The following PRORP variants were observed in gnomAD, a reference collection of about 807,000 sequenced individuals.
PRORP encodes protein only RNase P catalytic subunit, also known as mitochondrial ribonuclease P catalytic subunit.
Under a neutral mutation model 59.4 loss-of-function variants are expected in PRORP, and 51 were observed. The observed-to-expected ratio is 0.86, with a 90% CI of 0.69 to 1.08. The LOEUF (loss-of-function observed/expected upper bound fraction) is 1.08. PRORP is among the 50% of genes least tolerant of loss of function. PRORP has a pLI of 0.00. For synonymous variants in PRORP, 231 were observed against 245.6 expected, an observed-to-expected ratio of 0.94 and a Z score of 0.55; for missense variants, 646 against 690.3, an observed-to-expected ratio of 0.94 and a Z score of 0.72.
intron 4 of PRORP, among the ~76,000 whole-genome samples, chr14:35,166,444 G>T (rs1190132436): frequency 2.4e-5 from 3 of 126,804 alleles, no homozygotes; most frequent in Non-Finnish European, 3.2e-5. Flanking sequence ...GCTTTTATCT[G>T]AATCTTTTTT....
Position 35,273,708 on chromosome 14 carries a change from A to C in PRORP, c.*142A>C, listed in dbSNP as rs1408381039. On this transcript the variant is annotated 3_prime_UTR_variant, in exon 8 of 8. Transcript: ENST00000534898. ...TTAACAGCATTGACATTGATTTTTTAATGAAATGAGATATATCTTTTCATA... is the reference window on the plus strand; with the variant it reads ...TTAACAGCATTGACATTGATTTTTTCATGAAATGAGATATATCTTTTCATA... 12 of 692,604 alleles carry C rather than the reference A, an allele frequency of 1.7e-5. No homozygotes were observed. In the East Asian group the frequency reaches 3.5e-4, roughly 20 times the overall value. The allele number at this position is 692,604 out of a possible 1,614,324, so 42.9% of individuals were successfully genotyped here. A position where few individuals can be genotyped will look rare whatever the true frequency, so the allele number is the denominator to read the frequency against.
At position 35,137,403 on chromosome 14, in the gene PRORP, A is replaced by G. The variant is rs2047399359; in HGVS notation, c.1167+9792A>G. 1.4e-5 allele frequency among the ~76,000 whole-genome samples: 2 copies of G among 145,468 alleles called. 1 individual carries two copies. Among genetic ancestry groups the G allele is most frequent in the Non-Finnish European group, 3.1e-5 (2 of 65,500 alleles). On this transcript the variant is annotated intron_variant, in intron 4 of 7. Transcript: ENST00000534898. Reference sequence around the variant, plus strand: ...AAGGAAATATCATTTGAGGCTGTAGAAAAGAAAGTGAAGATGGGTGTGGAT... The same window carrying G: ...AAGGAAATATCATTTGAGGCTGTAGGAAAGAAAGTGAAGATGGGTGTGGAT...
chr14:35,270,352 C>T, intron 6 of PRORP, 49 bp from the exon 7 acceptor site: 1 of 1,561,750 alleles, frequency 6.4e-7, no homozygotes, highest in Non-Finnish European at 8.8e-7. Context: ...ACACTGTCCT[C>T]TGCCTCTTCA....
At chr14:35,232,746 C>G (rs1421586636) in intron 5 of PRORP, among the ~76,000 whole-genome samples, 1 of 152,048 alleles carries the variant, frequency 6.6e-6, no homozygotes, top group Non-Finnish European at 1.5e-5. Flanking sequence ...GATCTTGGCT[C>G]ACTGCAACCT....
At chr14:35,184,902 T>A (rs965524993) in intron 5 of PRORP, among the ~76,000 whole-genome samples, 4 of 152,230 alleles carry the variant, frequency 2.6e-5, no homozygotes, top group Non-Finnish European at 5.9e-5. Flanking sequence ...ATGTGCCACA[T>A]TTTCTTTATC....
intron 5 of PRORP, among the ~76,000 whole-genome samples, chr14:35,223,829 A>G (rs1457010377): frequency 6.6e-6 from 1 of 152,132 alleles, no homozygotes; most frequent in East Asian, 1.9e-4. Context: ...CTAGTAGCTT[A>G]TTTTCCATCT....
rs1186520204 is a variant in PRORP at position 35,275,258 on chromosome 14, T to TA, written c.*1693dup. 1 of 152,162 alleles carries TA rather than the reference T, an allele frequency of 6.6e-6. No homozygotes were observed. The highest frequency in any genetic ancestry group is 1.5e-5 in the Non-Finnish European group (1 of 68,020). 9.4% of individuals were successfully genotyped at this position (152,162 alleles called of 1,614,324 possible). On this transcript the variant is annotated 3_prime_UTR_variant, in exon 8 of 8. Transcript: ENST00000534898. ...GTTAGGGTAAGAAAAGATAATTACT[T>TA]ACATGAAATAAACAATGACCTCTTT...
chr14:35,216,059 A>G (rs931891501), intron 5 of PRORP, among the ~76,000 whole-genome samples: 9 of 142,458 alleles, frequency 6.3e-5, no homozygotes, highest in Non-Finnish European at 1.2e-4. Context: ...GAGCCACCGC[A>G]CCCAACCGTA....
chr14:35,159,454 A>G (rs1183431492), intron 4 of PRORP, among the ~76,000 whole-genome samples: 1 of 152,012 alleles, frequency 6.6e-6, no homozygotes, highest in African/African-American at 2.4e-5. Context: ...AACTTGTAGC[A>G]TTTATTAACC....
intron 5 of PRORP, among the ~76,000 whole-genome samples, chr14:35,196,473 G>C (rs1008885122): frequency 1.3e-5 from 2 of 152,110 alleles, no homozygotes; most frequent in African/African-American, 4.8e-5. Flanking sequence ...CTCCATCCTG[G>C]GTAACAGAGT....
At chr14:35,125,582 C>T (rs986516699) in intron 2 of PRORP, among the ~76,000 whole-genome samples, 1 of 152,018 alleles carries the variant, frequency 6.6e-6, no homozygotes, top group South Asian at 2.1e-4. Context: ...TTTCTCTTGC[C>T]TTTTTTTCCC....
intron 4 of PRORP, among the ~76,000 whole-genome samples, chr14:35,178,455 G>T (rs1202081279): frequency 6.6e-6 from 1 of 152,182 alleles, no homozygotes; most frequent in African/African-American, 2.4e-5. Context: ...ATTTAGGATA[G>T]TTAGCTCTTC....
chr14:35,164,144 C>T (rs1421585633), intron 4 of PRORP, among the ~76,000 whole-genome samples: 2 of 152,034 alleles, frequency 1.3e-5, no homozygotes, highest in Admixed American at 6.6e-5. Context: ...TGTTTTTGTA[C>T]CAGTATGAGG....
intron 5 of PRORP, among the ~76,000 whole-genome samples, chr14:35,180,991 G>A (rs1409545712): frequency 1.3e-5 from 2 of 152,108 alleles, no homozygotes; most frequent in Non-Finnish European, 2.9e-5. Context: ...AATTAAAAGT[G>A]AGGAATTAAA....
At chr14:35,230,452 C>T (rs2050048607) in intron 5 of PRORP, among the ~76,000 whole-genome samples, 2 of 152,170 alleles carry the variant, frequency 1.3e-5, no homozygotes, top group Admixed American at 1.3e-4. Context: ...TCAAGTATAT[C>T]TTTGAGCGGG....
chr14:35,142,526 A>T (rs369567373), intron 4 of PRORP, among the ~76,000 whole-genome samples: 3 of 21,026 alleles, frequency 1.4e-4, no homozygotes, highest in Non-Finnish European at 4.3e-4. Context: ...TTTTTAAATT[A>T]AAAAAAAAAA....
intron 5 of PRORP, among the ~76,000 whole-genome samples, chr14:35,217,055 T>C (rs2049617486): frequency 6.6e-6 from 1 of 152,228 alleles, no homozygotes; most frequent in Admixed American, 6.5e-5. Context: ...TAGGTCCTTC[T>C]CAGATATATA....
intron 4 of PRORP, among the ~76,000 whole-genome samples, chr14:35,152,849 C>T (rs1390697297): frequency 2.0e-5 from 3 of 151,394 alleles, no homozygotes; most frequent in African/African-American, 7.3e-5. Context: ...CGGACAGAGA[C>T]TATCCTCATT....
chr14:35,200,120 A>C (rs761882104), intron 5 of PRORP, among the ~76,000 whole-genome samples: 2 of 152,220 alleles, frequency 1.3e-5, no homozygotes, highest in East Asian at 3.8e-4. Flanking sequence ...AAGAACTTGA[A>C]GGTGAAAATC....
Sources: gnomAD v4.1 joint callset for allele counts (sites outside exome capture counted in the v4.1 genomes callset) on GRCh38, gnomAD v4.1.1 for gene constraint, MANE v1.5 for transcripts, NCBI Gene and HGNC (gene_info 2026-07-23, HGNC 2026-07-21) for gene names.